KIAA2013: variants seen among roughly 807,000 people sequenced by gnomAD.
KIAA2013 encodes the protein KIAA2013.
A neutral mutation model predicts 39.9 loss-of-function variants in KIAA2013; 20 were observed. That is an observed-to-expected ratio of 0.50 (90% CI 0.35 to 0.73). The LOEUF (loss-of-function observed/expected upper bound fraction) is 0.73, where lower values mean the gene tolerates loss of function less well. Ranked by LOEUF, KIAA2013 falls within the 30% of genes least tolerant of loss-of-function variation. KIAA2013 has a pLI of 0.01. For missense variants in KIAA2013, 587 were observed against 856.1 expected (o/e 0.69, Z 3.92); for synonymous variants, 336 against 416.6 (o/e 0.81, Z 2.35).
In KIAA2013 at chr1:11,923,371, G is replaced by A. The variant is rs1226447126; in HGVS notation, c.1152C>T (p.His384=). The change falls in exon 2 of 3, where the codon CAC becomes CAT. Residue 384 remains histidine, a synonymous_variant. Coordinates refer to ENST00000376572, the MANE Select transcript of KIAA2013 (RefSeq NM_138346.3). This position sits in a 1 kb window ranked among gnomAD's most constrained non-coding sequence, Gnocchi z 4.6. ...PAPLLSPSLS[H]RERDQMESTL... is the part of the protein sequence containing the mutation. ...TCGACTCCATCTGGTCTCGCTCCCT[G>A]TGGCTCAGGGAGGGGCTGAGCAGTG... 2.5e-6 allele frequency: 4 copies of A among 1,613,378 alleles called. No individual in the cohort carries two copies. Among genetic ancestry groups the A allele is most frequent in the Middle Eastern group, 1.6e-4 (1 of 6,062 alleles).
At chr1:11,920,432 C>G in intron 2 of KIAA2013, 100 bp from the exon 3 acceptor site, 1 of 1,221,768 alleles carries the variant, frequency 8.2e-7, no homozygotes, top group East Asian at 2.3e-5. Flanking sequence ...GCACCACACC[C>G]TGGCTCTGAC....
chr1:11,924,415 C>T (rs1645493490), intron 1 of KIAA2013, among the ~76,000 whole-genome samples: 1 of 152,014 alleles, frequency 6.6e-6, no homozygotes, highest in South Asian at 2.1e-4. Context: ...AAAAAGATGC[C>T]TTATTTTAAT....
At chr1:11,921,303 C>T (rs749009297) in intron 2 of KIAA2013, among the ~76,000 whole-genome samples, 1 of 152,068 alleles carries the variant, frequency 6.6e-6, no homozygotes, top group African/African-American at 2.4e-5. Context: ...GCAATGATGG[C>T]CAAAATCACC....
At position 11,919,984 on chromosome 1, in the gene KIAA2013, CAA is replaced by C. The variant is rs1645465370; in HGVS notation, c.*329_*330del. On this transcript the variant is annotated 3_prime_UTR_variant, in exon 3 of 3. Transcript: ENST00000376572. ...GGAAAAGGACACAACTTTTCCTAGA[CAA>C]GAGTCTTTTCAAAAGATGATCTATT... 2 of 405,944 alleles carry C rather than the reference CAA, an allele frequency of 4.9e-6. No homozygotes were observed. Among genetic ancestry groups the C allele is most frequent in the South Asian group, 3.4e-5 (1 of 29,026 alleles). 25.1% of individuals were successfully genotyped at this position (405,944 alleles called of 1,614,324 possible). A position where few individuals can be genotyped will look rare whatever the true frequency, so the allele number is the denominator to read the frequency against.
At chr1:11,922,548 C>G in intron 2 of KIAA2013, 88 bp downstream of exon 2, 1 of 1,560,942 alleles carries the variant, frequency 6.4e-7, no homozygotes, top group Non-Finnish European at 8.7e-7. Context: ...CCAGGCCTCA[C>G]CCCCCCTCGC....
chr1:11,922,370 A>G, intron 2 of KIAA2013: 1 of 1,429,126 alleles, frequency 7.0e-7, no homozygotes, highest in Non-Finnish European at 9.1e-7. Flanking sequence ...TTATTTTTAA[A>G]TGCTGAGATT....
chr1:11,923,047 A>G lies in KIAA2013; in HGVS notation c.1476T>C (p.His492=). 1 of 1,611,434 alleles carries G rather than the reference A, an allele frequency of 6.2e-7. No individual in the cohort carries two copies. The highest frequency in any genetic ancestry group is 8.5e-7 in the Non-Finnish European group (1 of 1,177,816). ...ALHGIRYKND[H]INLAVLADAE... ...CATCCGCCAGCACGGCCAGGTTGATATGGTCGTTCTTGTAGCGGATGCCAT... is the reference window on the plus strand; with the variant it reads ...CATCCGCCAGCACGGCCAGGTTGATGTGGTCGTTCTTGTAGCGGATGCCAT... The change falls in exon 2 of 3, where the codon CAT becomes CAC. Residue 492 remains histidine, a synonymous_variant. Coordinates refer to ENST00000376572, the MANE Select transcript of KIAA2013 (RefSeq NM_138346.3). This position sits in a 1 kb window ranked among gnomAD's most constrained non-coding sequence, Gnocchi z 4.6.
At position 11,922,809 on chromosome 1, in the gene KIAA2013, G is replaced by A; in HGVS notation, c.1714C>T (p.His572Tyr). The change falls in exon 2 of 3, where the codon CAC (histidine) becomes TAC (tyrosine). Residue 572 changes from histidine to tyrosine, a missense_variant. Coordinates refer to ENST00000376572, the MANE Select transcript of KIAA2013 (RefSeq NM_138346.3). ...THLQDLRHTL[H>Y]LKAILAHDEH... Reference sequence around the variant, plus strand: ...TCATGGGCCAGGATGGCCTTGAGGTGCAGCGTGTGCCGCAGGTCCTGCAGG... The same window carrying A: ...TCATGGGCCAGGATGGCCTTGAGGTACAGCGTGTGCCGCAGGTCCTGCAGG... 6.2e-7 allele frequency: 1 copy of A among 1,612,964 alleles called. No homozygotes were observed. The highest frequency in any genetic ancestry group is 8.5e-7 in the Non-Finnish European group (1 of 1,179,282).
In KIAA2013 at chr1:11,926,032, G is replaced by A. The variant is rs1288516019; in HGVS notation, c.206C>T (p.Ala69Val). Residue 69 changes from alanine to valine, a missense_variant, in exon 1 of 3, where the codon GCC becomes GTC. Ala to Val is a moderately conservative substitution (Grantham distance 64). Transcript: ENST00000376572. ...CCGCAGGCCGCGCCAGGCGCGGGTG[G>A]CCGCCTCCAGGCAGGCAGACGGCTC... The part of the protein sequence containing the change: ...AAEPSACLEA[A>V]TRAWRGLRER... 3 of 1,497,916 alleles carry A rather than the reference G, an allele frequency of 2.0e-6. No individual in the cohort carries two copies. Among genetic ancestry groups the A allele is most frequent in the South Asian group, 1.2e-5 (1 of 80,286 alleles). 92.8% of individuals were successfully genotyped at this position (1,497,916 alleles called of 1,614,324 possible).
In KIAA2013 at chr1:11,925,548, C is replaced by T. The variant is rs769037779; in HGVS notation, c.690G>A (p.Lys230=). The change falls in exon 1 of 3, where the codon AAG becomes AAA. Residue 230 remains lysine (K), a synonymous_variant. Transcript: ENST00000376572. The surrounding 1 kb of genome is among the most constrained non-coding windows in gnomAD (Gnocchi z 5.2). ...TVGPTAGPAP[K]AFTSTLEKVG... ...CCTTCTCCAGGGTACTGGTGAAGGCCTTGGGGGCTGGGCCGGCAGTGGGCC... is the reference window on the plus strand; with the variant it reads ...CCTTCTCCAGGGTACTGGTGAAGGCTTTGGGGGCTGGGCCGGCAGTGGGCC... The T allele has an allele frequency of 1.2e-4, 187 of 1,606,640 alleles. 1 individual carries two copies. Among genetic ancestry groups the T allele is most frequent in the Non-Finnish European group, 1.5e-4 (181 of 1,178,108 alleles).
chr1:11,922,793 A>C lies in KIAA2013; in HGVS notation c.1730T>G (p.Leu577Arg). 6.8e-6 allele frequency: 11 copies of C among 1,613,608 alleles called. No homozygotes were observed. Among genetic ancestry groups the C allele is most frequent in the Non-Finnish European group, 9.3e-6 (11 of 1,179,660 alleles). Reference sequence around the variant, plus strand: ...CTGGGCCATGTGCTCATCATGGGCCAGGATGGCCTTGAGGTGCAGCGTGTG... The same window carrying C: ...CTGGGCCATGTGCTCATCATGGGCCCGGATGGCCTTGAGGTGCAGCGTGTG... ...LRHTLHLKAILAHDEHMAQQD... is the reference protein window; with the variant it reads ...LRHTLHLKAIRAHDEHMAQQD... The change falls in exon 2 of 3, where the codon CTG (leucine) becomes CGG (arginine). Residue 577 changes from leucine to arginine, a missense_variant. Coordinates refer to ENST00000376572, the MANE Select transcript of KIAA2013 (RefSeq NM_138346.3).
rs1191752691 is a variant in KIAA2013, at chr1:11,925,985, G to C, written c.253C>G (p.Leu85Val). ...ACCAGGGCCGGCACTCCAGGACCCA[G>C]CGGTACCACCTCACCGCGCTCCCGC... Reference protein sequence around the residue: ...GLRERGEVVPLGPGVPALVAN... With the variant: ...GLRERGEVVPVGPGVPALVAN... The change falls in exon 1 of 3, where the codon CTG (leucine) becomes GTG (valine). Residue 85 changes from leucine to valine, a missense_variant. Leu to Val is a conservative substitution (Grantham distance 32). Coordinates refer to ENST00000376572, the MANE Select transcript of KIAA2013 (RefSeq NM_138346.3). This position sits in a 1 kb window ranked among gnomAD's most constrained non-coding sequence, Gnocchi z 5.2. 1 of 1,531,262 alleles carries C rather than the reference G, an allele frequency of 6.5e-7. No homozygotes were observed. The highest frequency in any genetic ancestry group is 8.7e-7 in the Non-Finnish European group (1 of 1,146,734). The allele number at this position is 1,531,262 out of a possible 1,614,324, so 94.9% of individuals were successfully genotyped here.
At chr1:11,922,538 C>T in intron 2 of KIAA2013, 98 bp downstream of exon 2, 4 of 1,558,144 alleles carry the variant, frequency 2.6e-6, no homozygotes, top group Non-Finnish European at 3.5e-6. Context: ...CCATTCCTGC[C>T]CAGGCCTCAC....
At position 11,926,085 on chromosome 1, in the gene KIAA2013, G is replaced by A; in HGVS notation, c.153C>T (p.Pro51=). 2 of 1,463,520 alleles carry A rather than the reference G, an allele frequency of 1.4e-6. No individual in the cohort carries two copies. Among genetic ancestry groups the A allele is most frequent in the East Asian group, 3.0e-5 (1 of 33,008 alleles). 90.7% of individuals were successfully genotyped at this position (1,463,520 alleles called of 1,614,324 possible). ...RRAAGGLHLL[P]WSRGEPGAAE... ...CGGCGCCCGGCTCACCGCGGGACCA[G>A]GGCAGCAGGTGCAGGCCGCCCGCCG... is the stretch of plus-strand genomic sequence containing the variant. Residue 51 remains proline (P), a synonymous_variant, in exon 1 of 3, where the codon CCC becomes CCT. Coordinates refer to ENST00000376572, the MANE Select transcript of KIAA2013 (RefSeq NM_138346.3).
rs1350486433 is a variant in KIAA2013, at chr1:11,925,441, G to A, written c.797C>T (p.Ala266Val). Residue 266 changes from alanine (A) to valine (V), a missense_variant, in exon 1 of 3, where the codon GCC (alanine) becomes GTC (valine). Coordinates refer to ENST00000376572, the MANE Select transcript of KIAA2013 (RefSeq NM_138346.3). The surrounding 1 kb of genome is among the most constrained non-coding windows in gnomAD (Gnocchi z 5.2). The stretch of plus-strand genomic sequence containing the variant: ...TTGGAGGCGGTTCACCAGCTTCTTG[G>A]CGGCCACCACCACCAGGTGCACCAA... ...TGLVHLVVVA[A>V]KKLVNRLQVA... 1.2e-6 allele frequency: 2 copies of A among 1,612,082 alleles called. No individual in the cohort carries two copies. Among genetic ancestry groups the A allele is most frequent in the Non-Finnish European group, 1.7e-6 (2 of 1,179,242 alleles).
chr1:11,922,346 C>T (rs537578749), intron 2 of KIAA2013: 13 of 1,423,606 alleles, frequency 9.1e-6, no homozygotes, highest in South Asian at 1.6e-5. Context: ...CAAGCCACCA[C>T]ACCCAGCTTG....
chr1:11,920,566 T>TGAAGGTA (rs1645468176), intron 2 of KIAA2013, among the ~76,000 whole-genome samples: 2 of 152,054 alleles, frequency 1.3e-5, no homozygotes, highest in African/African-American at 4.8e-5. Context: ...CAGTACCCCA[T>TGAAGGTA]GAAGGTAGTT....
rs531481233 is a variant in KIAA2013 at position 11,922,463 on chromosome 1, C to T, written c.1887+173G>A. On this transcript the variant is annotated intron_variant, in intron 2 of 2. Transcript: ENST00000376572. ...CCTGGATTTCCAGCTTTCCCTTCCT[C>T]GTCGTCTCCTCTCAAAACACTTGTG... 4.7e-5 allele frequency: 69 copies of T among 1,469,924 alleles called. 1 individual carries two copies. In the Middle Eastern group the frequency reaches 1.6e-3, roughly 35 times the overall value. 91.1% of individuals were successfully genotyped at this position (1,469,924 alleles called of 1,614,324 possible). A position where few individuals can be genotyped will look rare whatever the true frequency, so the allele number is the denominator to read the frequency against.
In KIAA2013 at chr1:11,926,092, A is replaced by T; in HGVS notation, c.146T>A (p.Leu49Gln). The stretch of plus-strand genomic sequence containing the variant: ...CGGCTCACCGCGGGACCAGGGCAGC[A>T]GGTGCAGGCCGCCCGCCGCCCGCCG... ...GARRAAGGLH[L>Q]LPWSRGEPGA... The change falls in exon 1 of 3, where the codon CTG becomes CAG. Residue 49 changes from leucine to glutamine, a missense_variant. Physicochemically the swap from Leu to Gln is moderately radical, Grantham distance 113. Coordinates refer to ENST00000376572, the MANE Select transcript of KIAA2013 (RefSeq NM_138346.3). The T allele has an allele frequency of 6.9e-7, 1 of 1,452,158 alleles. No homozygotes were observed. Among genetic ancestry groups the T allele is most frequent in the Non-Finnish European group, 9.0e-7 (1 of 1,106,002 alleles). The allele number at this position is 1,452,158 out of a possible 1,614,324, so 90.0% of individuals were successfully genotyped here.
Sources: allele counts gnomAD v4.1 joint callset (sites outside exome capture counted in the v4.1 genomes callset), GRCh38; gene constraint gnomAD v4.1.1; non-coding constraint Gnocchi (gnomAD v3.1); transcripts MANE v1.5; gene names NCBI Gene and HGNC (gene_info 2026-07-23, HGNC 2026-07-21).